Variants in LMBRD2 observed in about 807,000 individuals in gnomAD.
LMBRD2 encodes the protein G protein-coupled receptor-associated protein LMBRD2.
A neutral mutation model predicts 94.4 loss-of-function variants in LMBRD2; 55 were observed. The ratio of observed to expected loss-of-function variants is 0.58; its 90% CI spans 0.47 to 0.73. The LOEUF (loss-of-function observed/expected upper bound fraction) is 0.73, where lower values mean the gene tolerates loss of function less well. Among genes scored for constraint, LMBRD2 ranks in the 30% least tolerant of loss-of-function variants. The pLI, the probability that LMBRD2 is intolerant of heterozygous loss-of-function variation, is 0.00. For synonymous variants in LMBRD2, 246 were observed against 272.4 expected, an observed-to-expected ratio of 0.90 and a Z score of 0.95; for missense variants, 640 against 831.9, an observed-to-expected ratio of 0.77 and a Z score of 2.84.
In LMBRD2 at chr5:36,142,505, G is replaced by A. The variant is rs1035751846; in HGVS notation, c.269C>T (p.Pro90Leu). The change falls in exon 3 of 18, where the codon CCA (proline) becomes CTA (leucine). Residue 90 changes from proline (P) to leucine (L), a missense_variant. Physicochemically the swap from Pro to Leu is moderately conservative, Grantham distance 98. Transcript: ENST00000296603. ...TGLYATANPV[P>L]SQHPCFKPWS... is the part of the protein sequence containing the mutation. ...TTTTTTTTAAAAAAGGAAATACCTT[G>A]GAACAGGGTTAGCAGTTGCGTACAA... 3.2e-6 allele frequency: 5 copies of A among 1,565,696 alleles called. No homozygotes were observed. The highest frequency in any genetic ancestry group is 3.5e-6 in the Non-Finnish European group (4 of 1,138,734).
intron 12 of LMBRD2, 112 bp downstream of exon 12, chr5:36,114,903 T>A: frequency 1.4e-6 from 1 of 715,618 alleles, no homozygotes; most frequent in Non-Finnish European, 2.4e-6. Context: ...TAAGAGAAAA[T>A]TTTACCAATA....
intron 1 of LMBRD2, among the ~76,000 whole-genome samples, chr5:36,145,738 CA>C (rs756114795): frequency 2.4e-3 from 360 of 151,228 alleles, no homozygotes; most frequent in African/African-American, 8.2e-3. Context: ...GACAATCATA[CA>C]AAAAAAAGAC....
intron 16 of LMBRD2, among the ~76,000 whole-genome samples, chr5:36,107,347 C>G (rs1227755272): frequency 1.3e-5 from 2 of 151,862 alleles, no homozygotes; most frequent in Non-Finnish European, 2.9e-5. Context: ...ACCTCTGGGT[C>G]TGGTTATGTT....
chr5:36,146,335 G>A (rs1561525015), intron 1 of LMBRD2, among the ~76,000 whole-genome samples: 1 of 152,164 alleles, frequency 6.6e-6, no homozygotes, highest in South Asian at 2.1e-4. Context: ...CAAGGTGTCA[G>A]CAGGTTTGCA....
intron 16 of LMBRD2, among the ~76,000 whole-genome samples, chr5:36,108,072 T>C (rs946668279): frequency 2.6e-5 from 4 of 152,148 alleles, no homozygotes. Flanking sequence ...CTGGTATCAG[T>C]CCCTCACTCA....
At chr5:36,108,005 G>A (rs1351555522) in intron 16 of LMBRD2, among the ~76,000 whole-genome samples, 1 of 152,134 alleles carries the variant, frequency 6.6e-6, no homozygotes, top group African/African-American at 2.4e-5. Flanking sequence ...CATCATGTCA[G>A]TGTGGGGTCA....
chr5:36,115,505 G>A (rs539431953), intron 11 of LMBRD2, among the ~76,000 whole-genome samples: 1 of 152,174 alleles, frequency 6.6e-6, no homozygotes, highest in Non-Finnish European at 1.5e-5. Context: ...AACTGAAGTT[G>A]TATCAACATA....
At chr5:36,145,450 T>C (rs984932470) in intron 1 of LMBRD2, among the ~76,000 whole-genome samples, 1 of 152,246 alleles carries the variant, frequency 6.6e-6, no homozygotes, top group Non-Finnish European at 1.5e-5. Flanking sequence ...GGTCTCGAAC[T>C]CCTGAGCTCA....
At chr5:36,127,722 T>G (rs1212348764) in intron 6 of LMBRD2, among the ~76,000 whole-genome samples, 8 of 152,206 alleles carry the variant, frequency 5.3e-5, no homozygotes, top group African/African-American at 1.7e-4. Context: ...GACTTTGTCT[T>G]GTGGCTTGGG....
intron 14 of LMBRD2, 60 bp downstream of exon 14, chr5:36,111,095 G>T: frequency 1.1e-6 from 1 of 947,520 alleles, no homozygotes; most frequent in Non-Finnish European, 1.6e-6. Flanking sequence ...TATTAATTTT[G>T]TATTTTGAGT....
chr5:36,125,321 CAT>C (rs1743983178), intron 6 of LMBRD2, among the ~76,000 whole-genome samples: 2 of 152,098 alleles, frequency 1.3e-5, no homozygotes, highest in Non-Finnish European at 1.5e-5. Context: ...CATTCTGGGG[CAT>C]AGAGTAGAGC....
chr5:36,136,184 T>G (rs1744264892), intron 6 of LMBRD2, 125 bp downstream of exon 6: 2 of 838,364 alleles, frequency 2.4e-6, no homozygotes, highest in Non-Finnish European at 4.0e-6. Flanking sequence ...CCTGAAGGAT[T>G]GCACAACACC....
At chr5:36,128,024 C>T (rs1744046207) in intron 6 of LMBRD2, among the ~76,000 whole-genome samples, 2 of 152,156 alleles carry the variant, frequency 1.3e-5, no homozygotes, top group Non-Finnish European at 2.9e-5. Context: ...GCTTGAGACA[C>T]CCCTCCCCCA....
At chr5:36,121,989 T>C (rs1189987336) in intron 9 of LMBRD2, among the ~76,000 whole-genome samples, 1 of 152,154 alleles carries the variant, frequency 6.6e-6, no homozygotes, top group Non-Finnish European at 1.5e-5. Context: ...TCCCAGTCAT[T>C]AAGCAATGCA....
rs763251350 is a variant in LMBRD2, at chr5:36,105,127, T to C, written c.1968A>G (p.Glu656=). 2 of 1,612,754 alleles carry C rather than the reference T, an allele frequency of 1.2e-6. No homozygotes were observed. The highest frequency in any genetic ancestry group is 2.2e-5 in the South Asian group (2 of 91,030). Residue 656 remains glutamate (E), a synonymous_variant, in exon 17 of 18, where the codon GAA becomes GAG. Transcript: ENST00000296603. ...RDRIELLQDA[E]PLDFNAETFT... ...ATGTTTCTGCATTAAAATCCAAAGG[T>C]TCTGCATCTTGGAGAAGTTCTATCC...
At chr5:36,142,659 G>A (rs954591333) in intron 2 of LMBRD2, 60 bp from the exon 3 acceptor site, 2 of 905,636 alleles carry the variant, frequency 2.2e-6, no homozygotes, top group Admixed American at 1.8e-5. Context: ...GTACTTAAAG[G>A]ACATCAGAGT....
intron 1 of LMBRD2, among the ~76,000 whole-genome samples, chr5:36,145,174 AT>A (rs1449787989): frequency 6.6e-6 from 1 of 152,210 alleles, no homozygotes; most frequent in Non-Finnish European, 1.5e-5. Flanking sequence ...ATCAAGAAAT[AT>A]TTGTTGAAAT....
rs191286068 is a variant in LMBRD2, at chr5:36,120,411, C to T, written c.1120+1869G>A. ...GAGTAGCTGGGACTACAGGCACGCA[C>T]CACCACGCCCAGCTAATTTTTGTAT... On this transcript the variant is annotated intron_variant, in intron 9 of 17. Coordinates refer to ENST00000296603, the MANE Select transcript of LMBRD2 (RefSeq NM_001007527.2). 4.7e-4 allele frequency among the ~76,000 whole-genome samples: 71 copies of T among 152,278 alleles called. No homozygotes were observed. In the East Asian group the frequency reaches 0.013, roughly 27 times the overall value.
chr5:36,146,724 C>A lies in LMBRD2; in HGVS notation c.-57-3318G>T, dbSNP rs1486667863. On this transcript the variant is annotated intron_variant, in intron 1 of 17. Coordinates refer to ENST00000296603, the MANE Select transcript of LMBRD2 (RefSeq NM_001007527.2). ...TAGGACTGAGATCCCTGTTCCCCTG[C>A]AAACTGACAGCTGGCATTTAACCTT... Among the ~76,000 whole-genome samples the A allele has an allele frequency of 2.0e-5, 3 of 152,118 alleles. No homozygotes were observed. The East Asian group carries it at 5.8e-4, about 29-fold the overall frequency.
Sources: gnomAD v4.1 joint callset for allele counts (sites outside exome capture counted in the v4.1 genomes callset) on GRCh38, gnomAD v4.1.1 for gene constraint, MANE v1.5 for transcripts, NCBI Gene and HGNC (gene_info 2026-07-23, HGNC 2026-07-21) for gene names.